SPATA13: variants seen among roughly 807,000 people sequenced by gnomAD.
SPATA13 encodes spermatogenesis-associated protein 13.
Under a neutral mutation model 104.0 loss-of-function variants are expected in SPATA13, and 50 were observed. That is an observed-to-expected ratio of 0.48 (90% CI 0.38 to 0.61). The LOEUF (loss-of-function observed/expected upper bound fraction) is 0.61. SPATA13 is among the 20% of genes least tolerant of loss of function. The pLI is 0.00. For synonymous variants in SPATA13, 606 were observed against 667.5 expected (o/e 0.91, Z 1.42); for missense variants, 1,524 against 1,690.6 (o/e 0.90, Z 1.73).
intron 8 of SPATA13, 58 bp downstream of exon 8, chr13:24,289,236 TCTC>T: frequency 7.1e-7 from 1 of 1,409,164 alleles, no homozygotes; most frequent in Non-Finnish European, 9.8e-7. Flanking sequence ...TTGAAGTGCA[TCTC>T]CACAGAAAAC....
chr13:24,306,720 C>T lies in SPATA13; in HGVS notation c.*3947C>T, dbSNP rs1425185438. The T allele has an allele frequency of 6.6e-6, 1 of 152,138 alleles. No individual in the cohort carries two copies. Among genetic ancestry groups the T allele is most frequent in the African/African-American group, 2.4e-5 (1 of 41,432 alleles). The allele number at this position is 152,138 out of a possible 1,614,324, so 9.4% of individuals were successfully genotyped here. On this transcript the variant is annotated 3_prime_UTR_variant, in exon 13 of 13. Coordinates refer to ENST00000382108, the MANE Select transcript of SPATA13 (RefSeq NM_001166271.3). ...TTGTTGCCTTTAGTTATCTCACAGG[C>T]ACTGACATTTTATATTTAGAAAATA... is the stretch of plus-strand genomic sequence containing the variant.
chr13:24,217,157 A>T (rs1489117873), intron 1 of SPATA13, among the ~76,000 whole-genome samples: 1 of 152,168 alleles, frequency 6.6e-6, no homozygotes, highest in Non-Finnish European at 1.5e-5. Flanking sequence ...TACTTGGAGG[A>T]TGAGGTGAGA....
intron 3 of SPATA13, among the ~76,000 whole-genome samples, chr13:24,106,013 A>G (rs796212556): frequency 7.2e-5 from 11 of 152,254 alleles, no homozygotes; most frequent in African/African-American, 2.4e-4. Flanking sequence ...AAGCTACCCA[A>G]TCTGTGGTAC....
chr13:23,988,820 G>A (rs1875275530), intron 2 of SPATA13, among the ~76,000 whole-genome samples: 2 of 152,082 alleles, frequency 1.3e-5, no homozygotes. Context: ...TGTCAGTCGG[G>A]CTGTTGGGTT....
intron 3 of SPATA13, among the ~76,000 whole-genome samples, chr13:24,134,217 C>T (rs1881481829): frequency 6.6e-6 from 1 of 152,146 alleles, no homozygotes; most frequent in Non-Finnish European, 1.5e-5. Flanking sequence ...ACTTCGCTGC[C>T]TTTATGCAGG....
chr13:24,236,424 C>T (rs1053423853), intron 2 of SPATA13, among the ~76,000 whole-genome samples: 2 of 151,786 alleles, frequency 1.3e-5, no homozygotes, highest in Non-Finnish European at 2.9e-5. Flanking sequence ...AACCTTGTCT[C>T]TACTAAAAAT....
chr13:23,997,311 C>G (rs1875745995), intron 2 of SPATA13, among the ~76,000 whole-genome samples: 1 of 152,154 alleles, frequency 6.6e-6, no homozygotes, highest in Admixed American at 6.5e-5. Flanking sequence ...TCATCACCAC[C>G]AAAAGTAGAA....
intron 3 of SPATA13, among the ~76,000 whole-genome samples, chr13:24,079,422 C>G (rs1419670645): frequency 2.6e-5 from 4 of 152,190 alleles, no homozygotes; most frequent in Non-Finnish European, 5.9e-5. Context: ...GCAGAGAAGT[C>G]AGAGATGGAG....
At chr13:24,023,514 G>C (rs993849094) in intron 3 of SPATA13, among the ~76,000 whole-genome samples, 1 of 152,200 alleles carries the variant, frequency 6.6e-6, no homozygotes, top group Non-Finnish European at 1.5e-5. Context: ...CCTGGCATTT[G>C]TGAATGTGTT....
intron 3 of SPATA13, among the ~76,000 whole-genome samples, chr13:24,066,403 A>G (rs778720287): frequency 8.5e-5 from 13 of 152,172 alleles, no homozygotes; most frequent in Non-Finnish European, 1.6e-4. Context: ...GGATTTGCCC[A>G]AAGTCATACG....
At chr13:24,116,082 G>A (rs1880824875) in intron 3 of SPATA13, among the ~76,000 whole-genome samples, 1 of 152,184 alleles carries the variant, frequency 6.6e-6, no homozygotes, top group Non-Finnish European at 1.5e-5. Flanking sequence ...GTATATAGAT[G>A]TCCTAGACCA....
chr13:23,982,982 G>C (rs1165069128), intron 1 of SPATA13, among the ~76,000 whole-genome samples: 3 of 152,212 alleles, frequency 2.0e-5, no homozygotes, highest in Non-Finnish European at 4.4e-5. Context: ...AAAAGACAAA[G>C]GGGCAGGGCC....
upstream of SPATA13, among the ~76,000 whole-genome samples, chr13:24,157,400 G>A (rs1882290612): frequency 6.6e-6 from 1 of 152,142 alleles, no homozygotes; most frequent in Non-Finnish European, 1.5e-5. Context: ...CCGGGTTCAC[G>A]CCATTCTTCT....
chr13:23,997,347 G>A lies in SPATA13; in HGVS notation c.-147+13414G>A, dbSNP rs748423532. Among the ~76,000 whole-genome samples, 6 of 152,034 alleles carry A rather than the reference G, an allele frequency of 3.9e-5. No individual in the cohort carries two copies. In the South Asian group the frequency reaches 6.2e-4, roughly 16 times the overall value. Reference sequence around the variant, plus strand: ...CACGCATGTCCCCTGTGATCCGACCGTCCCCATACCCACATTCCCAGGCAA... The same window carrying A: ...CACGCATGTCCCCTGTGATCCGACCATCCCCATACCCACATTCCCAGGCAA... On this transcript the variant is annotated intron_variant, in intron 2 of 14. Transcript: ENST00000424834.
At chr13:24,056,367 G>A (rs529001527) in intron 3 of SPATA13, among the ~76,000 whole-genome samples, 7 of 152,314 alleles carry the variant, frequency 4.6e-5, no homozygotes, top group African/African-American at 1.4e-4. Flanking sequence ...GGTTAACCAC[G>A]TAGATCTGCA....
intron 3 of SPATA13, among the ~76,000 whole-genome samples, chr13:24,126,218 T>G (rs1358965496): frequency 6.6e-6 from 1 of 152,084 alleles, no homozygotes; most frequent in Non-Finnish European, 1.5e-5. Context: ...GCAGGAGCCA[T>G]GGGGAGCCTT....
intron 3 of SPATA13, among the ~76,000 whole-genome samples, chr13:24,084,257 A>G (rs1405429778): frequency 6.6e-6 from 1 of 152,180 alleles, no homozygotes; most frequent in African/African-American, 2.4e-5. Flanking sequence ...CCCCAGGTGC[A>G]GTCGAAGGAG....
chr13:24,157,631 C>T (rs1882302757), upstream of SPATA13, among the ~76,000 whole-genome samples: 2 of 151,972 alleles, frequency 1.3e-5, no homozygotes, highest in African/African-American at 2.4e-5. Flanking sequence ...GAGGGTGGGG[C>T]GGAAGCCATA....
chr13:24,210,452 G>A (rs74663373), intron 1 of SPATA13, among the ~76,000 whole-genome samples: 34,964 of 151,998 alleles, frequency 0.23, 4,393 homozygotes, highest in South Asian at 0.3. Flanking sequence ...TTTTGGAGTA[G>A]GAGGCCAATT....
Sources: gnomAD v4.1 joint callset for allele counts (sites outside exome capture counted in the v4.1 genomes callset) on GRCh38, gnomAD v4.1.1 for gene constraint, MANE v1.5 for transcripts, NCBI Gene and HGNC (gene_info 2026-07-23, HGNC 2026-07-21) for gene names.